Variants in MTFR1L observed in about 807,000 individuals in gnomAD.
MTFR1L encodes mitochondrial fission regulator 1-like.
Under a neutral mutation model 27.9 loss-of-function variants are expected in MTFR1L, and 10 were observed. That is an observed-to-expected ratio of 0.36 (90% confidence interval 0.22 to 0.61). The LOEUF is 0.61. Among genes scored for constraint, MTFR1L ranks in the 20% least tolerant of loss-of-function variants. MTFR1L has a pLI of 0.73. For synonymous variants in MTFR1L, 151 were observed against 139.4 expected, an observed-to-expected ratio of 1.08 and a Z score of -0.58; for missense variants, 315 against 363.7, an observed-to-expected ratio of 0.87 and a Z score of 1.09.
In MTFR1L at chr1:25,826,250, G is replaced by T; in HGVS notation, c.130-52G>T. The T allele has an allele frequency of 2.6e-6, 4 of 1,520,022 alleles. No homozygotes were observed. The highest frequency in any genetic ancestry group is 1.1e-5 in the South Asian group (1 of 87,970). 94.2% of individuals were successfully genotyped at this position (1,520,022 alleles called of 1,614,324 possible). A position where few individuals can be genotyped will look rare whatever the true frequency, so the allele number is the denominator to read the frequency against. On this transcript the variant is annotated intron_variant, in intron 3 of 6. Transcript: ENST00000374303. This position sits in a 1 kb window ranked among gnomAD's most constrained non-coding sequence, Gnocchi z 4.1. ...CCCTCCTGTGTATTCTGCAGTTTCT[G>T]ATTGGCTCATCATGGCATCTGTAAA...
chr1:25,826,416 T>C lies in MTFR1L; in HGVS notation c.239+5T>C, dbSNP rs758596616. 1.2e-6 allele frequency: 2 copies of C among 1,613,926 alleles called. No individual in the cohort carries two copies. The highest frequency in any genetic ancestry group is 1.3e-5 in the African/African-American group (1 of 74,908). On this transcript the variant is annotated splice_donor_5th_base_variant and intron_variant, in intron 4 of 6. Transcript: ENST00000374303. This position sits in a 1 kb window ranked among gnomAD's most constrained non-coding sequence, Gnocchi z 4.1. ...GGAGACATATGCCCGGGTCAGGTAG[T>C]TGAGGCAGTAGCTGGTCTGCTAAGG...
At chr1:25,821,673 T>C (rs940252859) in intron 1 of MTFR1L, 2 of 152,326 alleles carry the variant, frequency 1.3e-5, no homozygotes, top group African/African-American at 4.8e-5. Flanking sequence ...CCCCCTACTT[T>C]TGTAGCTTTA....
intron 6 of MTFR1L, 94 bp from the exon 7 acceptor site, chr1:25,831,827 G>T: frequency 9.4e-7 from 1 of 1,061,196 alleles, no homozygotes; most frequent in Non-Finnish European, 1.5e-6. Flanking sequence ...TACCTCGTAA[G>T]ATTGTTGTGA....
At chr1:25,831,713 T>C (rs2048242949) in intron 6 of MTFR1L, among the ~76,000 whole-genome samples, 1 of 152,248 alleles carries the variant, frequency 6.6e-6, no homozygotes, top group Non-Finnish European at 1.5e-5. Context: ...TTCTGAACTC[T>C]GGATTCACCG....
chr1:25,830,139 G>A (rs929320237), intron 6 of MTFR1L, among the ~76,000 whole-genome samples: 4 of 152,168 alleles, frequency 2.6e-5, no homozygotes, highest in Non-Finnish European at 5.9e-5. Context: ...TAGTGACAGT[G>A]TCTTCATGGC....
chr1:25,829,926 G>C, intron 6 of MTFR1L, 96 bp downstream of exon 6: 1 of 1,155,380 alleles, frequency 8.7e-7, no homozygotes, highest in Admixed American at 2.8e-5. Context: ...GTTCTTAGTA[G>C]TACCATATGT....
At chr1:25,820,504 C>A in intron 1 of MTFR1L, 1 of 359,162 alleles carries the variant, frequency 2.8e-6, no homozygotes, top group Admixed American at 4.1e-5. Flanking sequence ...CACTGCTGCG[C>A]GCGGCAAAGT....
chr1:25,831,597 A>C (rs1392795960), intron 6 of MTFR1L, among the ~76,000 whole-genome samples: 1 of 152,212 alleles, frequency 6.6e-6, no homozygotes, highest in African/African-American at 2.4e-5. Context: ...CCAGAGGCCA[A>C]CTCTAACAGA....
intron 6 of MTFR1L, 54 bp downstream of exon 6, chr1:25,829,884 C>T: frequency 2.1e-6 from 3 of 1,430,728 alleles, no homozygotes; most frequent in South Asian, 1.3e-5. Context: ...TGCCCATGGC[C>T]AATTATGTAA....
chr1:25,821,929 C>G (rs559319951), intron 1 of MTFR1L: 6 of 152,400 alleles, frequency 3.9e-5, no homozygotes, highest in African/African-American at 1.4e-4. Context: ...TCCATAGCCC[C>G]TACGGTGCCC....
chr1:25,832,355 T>G lies in MTFR1L; in HGVS notation c.*329T>G, dbSNP rs917974189. 9.8e-6 allele frequency: 6 copies of G among 613,478 alleles called. No homozygotes were observed. The highest frequency in any genetic ancestry group is 1.7e-5 in the Non-Finnish European group (6 of 350,548). The allele number at this position is 613,478 out of a possible 1,614,324, so 38.0% of individuals were successfully genotyped here. ...ATAGGTCCTAAATGACTGACTTCAC[T>G]GCATTAGACCCTATAGCTGGTCTCA... On this transcript the variant is annotated 3_prime_UTR_variant, in exon 7 of 7. Transcript: ENST00000374303.
intron 3 of MTFR1L, among the ~76,000 whole-genome samples, chr1:25,824,479 T>C (rs1257430183): frequency 6.6e-6 from 1 of 152,220 alleles, no homozygotes; most frequent in Non-Finnish European, 1.5e-5. Flanking sequence ...GAAATACTTG[T>C]GCTTTCTACC....
chr1:25,820,848 C>T, intron 1 of MTFR1L: 1 of 381,778 alleles, frequency 2.6e-6, no homozygotes, highest in South Asian at 1.9e-5. Context: ...GTTCCTCTCG[C>T]GAGGACTCCG....
intron 1 of MTFR1L, chr1:25,820,584 G>A: frequency 2.6e-6 from 1 of 382,018 alleles, no homozygotes. Context: ...CTGCGCTGGA[G>A]GAGCTCCCGT....
At position 25,832,492 on chromosome 1, in the gene MTFR1L, T is replaced by G; in HGVS notation, c.*466T>G. 1 of 300,278 alleles carries G rather than the reference T, an allele frequency of 3.3e-6. No individual in the cohort carries two copies. Among genetic ancestry groups the G allele is most frequent in the East Asian group, 6.7e-5 (1 of 14,844 alleles). 18.6% of individuals were successfully genotyped at this position (300,278 alleles called of 1,614,324 possible). A position where few individuals can be genotyped will look rare whatever the true frequency, so the allele number is the denominator to read the frequency against. ...ATACATGTTCACAGGGCACGGAAAA[T>G]CTTATGCTGCTCCGTCATAAACCTA... On this transcript the variant is annotated 3_prime_UTR_variant, in exon 7 of 7. Coordinates refer to ENST00000374303, the MANE Select transcript of MTFR1L (RefSeq NM_001099625.2).
intron 5 of MTFR1L, among the ~76,000 whole-genome samples, chr1:25,827,560 C>G (rs1008274661): frequency 2.6e-5 from 4 of 152,172 alleles, no homozygotes; most frequent in Non-Finnish European, 5.9e-5. Context: ...CGTGCCTCAG[C>G]CTCCTGAGTA....
rs748058436 is a variant in MTFR1L at position 25,826,332 on chromosome 1, A to G, written c.160A>G (p.Arg54Gly). ...TLPNISDLCL[R>G]DVPPVPTLAD... is the part of the protein sequence containing the mutation. ...GCCCAACATCTCTGACCTGTGTTTG[A>G]GAGATGTGCCCCCAGTCCCTACCCT... Residue 54 changes from arginine (R) to glycine (G), a missense_variant, in exon 4 of 7, where the codon AGA becomes GGA. Physicochemically the swap from Arg to Gly is moderately radical, Grantham distance 125. Transcript: ENST00000374303. This position sits in a 1 kb window ranked among gnomAD's most constrained non-coding sequence, Gnocchi z 4.1. 1.2e-6 allele frequency: 2 copies of G among 1,614,094 alleles called. No individual in the cohort carries two copies. Among genetic ancestry groups the G allele is most frequent in the Non-Finnish European group, 1.7e-6 (2 of 1,180,018 alleles).
At position 25,829,775 on chromosome 1, in the gene MTFR1L, G is replaced by A; in HGVS notation, c.718G>A (p.Ala240Thr). 1 of 1,610,526 alleles carries A rather than the reference G, an allele frequency of 6.2e-7. No homozygotes were observed. Among genetic ancestry groups the A allele is most frequent in the Non-Finnish European group, 8.5e-7 (1 of 1,180,022 alleles). Reference sequence around the variant, plus strand: ...CTCTTTGTCCAAGGCCAGCAGCTTTGCAGACATGATGGGTATCCTGAAGGA... The same window carrying A: ...CTCTTTGTCCAAGGCCAGCAGCTTTACAGACATGATGGGTATCCTGAAGGA... ...CVSLSKASSF[A>T]DMMGILKDFH... is the part of the protein sequence containing the mutation. Residue 240 changes from alanine (A) to threonine (T), a missense_variant, in exon 6 of 7, where the codon GCA (alanine) becomes ACA (threonine). Transcript: ENST00000374303.
At chr1:25,825,478 T>G (rs1238190531) in intron 3 of MTFR1L, among the ~76,000 whole-genome samples, 2 of 152,200 alleles carry the variant, frequency 1.3e-5, no homozygotes, top group Admixed American at 1.3e-4. Context: ...TCAACATGAC[T>G]GAATCCTAAT....
Sources: allele counts gnomAD v4.1 joint callset (sites outside exome capture counted in the v4.1 genomes callset), GRCh38; gene constraint gnomAD v4.1.1; non-coding constraint Gnocchi (gnomAD v3.1); transcripts MANE v1.5; gene names NCBI Gene and HGNC (gene_info 2026-07-23, HGNC 2026-07-21).